LRRC20: variants seen among roughly 807,000 people sequenced by gnomAD.
The protein encoded by LRRC20 is leucine rich repeat containing 20, also known as leucine-rich repeat-containing protein 20.
In LRRC20, 11 loss-of-function variants were observed where a neutral mutation model predicts 14.4. That is an observed-to-expected ratio of 0.77 (90% CI 0.48 to 1.27). The LOEUF (loss-of-function observed/expected upper bound fraction) is 1.27. LRRC20 is among the 50% of genes most tolerant of loss of function. LRRC20 has a pLI of 0.00. For missense variants in LRRC20, 219 were observed against 251.2 expected, an observed-to-expected ratio of 0.87 and a Z score of 0.87; for synonymous variants, 121 against 107.3, an observed-to-expected ratio of 1.13 and a Z score of -0.79.
chr10:70,348,632 T>C (rs1843166288), intron 2 of LRRC20, among the ~76,000 whole-genome samples: 1 of 152,162 alleles, frequency 6.6e-6, no homozygotes, highest in Admixed American at 6.5e-5. Context: ...ACCACTCCAC[T>C]CTACTGCCCC....
chr10:70,321,814 T>C (rs1842086066), intron 4 of LRRC20, among the ~76,000 whole-genome samples: 1 of 152,222 alleles, frequency 6.6e-6, no homozygotes. Flanking sequence ...AGAGCTTCAG[T>C]TTCTACCTGT....
chr10:70,341,061 C>T (rs533409974), intron 2 of LRRC20, among the ~76,000 whole-genome samples: 2 of 152,196 alleles, frequency 1.3e-5, no homozygotes, highest in South Asian at 4.1e-4. Flanking sequence ...ATCAAAGACT[C>T]GACAGCGCAG....
rs1841103242 is a variant in LRRC20, at chr10:70,299,859, G to A, written c.*1495C>T. On this transcript the variant is annotated 3_prime_UTR_variant, in exon 5 of 5. Transcript: ENST00000446961. ...AGTCTCTTGAGATACTGAGCGCTCA[G>A]TGATGGCCCAACAATGGCCCGACCT... The A allele has an allele frequency of 6.6e-6, 1 of 152,256 alleles. No individual in the cohort carries two copies. Among genetic ancestry groups the A allele is most frequent in the Non-Finnish European group, 1.5e-5 (1 of 68,082 alleles). The allele number at this position is 152,256 out of a possible 1,614,324, so 9.4% of individuals were successfully genotyped here.
chr10:70,376,627 G>T, intron 1 of LRRC20, 31 bp from the exon 2 acceptor site: 2 of 1,215,122 alleles, frequency 1.6e-6, no homozygotes, highest in African/African-American at 1.5e-5. Context: ...TGAAGTGCCC[G>T]CCTGCCAGCC....
intron 2 of LRRC20, among the ~76,000 whole-genome samples, chr10:70,343,971 G>C (rs1472726092): frequency 1.3e-5 from 2 of 152,218 alleles, no homozygotes; most frequent in Non-Finnish European, 2.9e-5. Context: ...GACCAAAGTG[G>C]AAGGATTGCT....
chr10:70,351,650 C>T (rs1032932395), intron 2 of LRRC20, among the ~76,000 whole-genome samples: 11 of 152,124 alleles, frequency 7.2e-5, no homozygotes, highest in Admixed American at 3.9e-4. Context: ...CCAAGTTTTA[C>T]GGGAAAACTC....
Position 70,365,842 on chromosome 10 carries a change from G to A in LRRC20, c.82+10610C>T, listed in dbSNP as rs866194398. Among the ~76,000 whole-genome samples, 20 of 151,704 alleles carry A rather than the reference G, an allele frequency of 1.3e-4. No homozygotes were observed. In the Middle Eastern group the frequency reaches 0.01, roughly 79 times the overall value. The stretch of plus-strand genomic sequence containing the variant: ...TCCCAGCATTTTGGGAGGCCGAGGC[G>A]GGCGGATCACGAGGTCAGGAGATCG... On this transcript the variant is annotated intron_variant, in intron 2 of 4. Coordinates refer to ENST00000446961, the MANE Select transcript of LRRC20 (RefSeq NM_001278212.2).
At chr10:70,323,441 C>CTGAACAT (rs1214545507) in intron 4 of LRRC20, among the ~76,000 whole-genome samples, 2 of 152,126 alleles carry the variant, frequency 1.3e-5, no homozygotes, top group African/African-American at 4.8e-5. Flanking sequence ...AGAGGCTGTG[C>CTGAACAT]TGAACATGGC....
At chr10:70,357,248 T>C (rs1344746515) in intron 2 of LRRC20, among the ~76,000 whole-genome samples, 5 of 152,200 alleles carry the variant, frequency 3.3e-5, no homozygotes, top group Non-Finnish European at 7.3e-5. Context: ...GGTTTCTTTT[T>C]TGGGTGATGA....
chr10:70,336,479 A>G (rs1842729476), intron 3 of LRRC20, among the ~76,000 whole-genome samples: 1 of 152,170 alleles, frequency 6.6e-6, no homozygotes, highest in Non-Finnish European at 1.5e-5. Flanking sequence ...AATCCCTATA[A>G]CAACTGGTCC....
rs145410991 is a variant in LRRC20 at position 70,301,364 on chromosome 10, G to A, written c.545C>T (p.Pro182Leu). 9.1e-5 allele frequency: 147 copies of A among 1,612,774 alleles called. No individual in the cohort carries two copies. In the African/African-American group the frequency reaches 1.7e-3, roughly 18 times the overall value. The change falls in exon 5 of 5, where the codon CCC becomes CTC. Residue 182 changes from proline (P) to leucine (L), a missense_variant. Coordinates refer to ENST00000446961, the MANE Select transcript of LRRC20 (RefSeq NM_001278212.2). ...MLMSPEGARA[P>L]LP Reference sequence around the variant, plus strand: ...CATGAGGAGGGTGGCCTAAGGTAGGGGGGCTCTTGCGCCTTCCGGAGACAT... The same window carrying A: ...CATGAGGAGGGTGGCCTAAGGTAGGAGGGCTCTTGCGCCTTCCGGAGACAT...
intron 4 of LRRC20, among the ~76,000 whole-genome samples, chr10:70,305,400 C>T (rs1474652489): frequency 6.6e-6 from 1 of 152,148 alleles, no homozygotes; most frequent in Non-Finnish European, 1.5e-5. Flanking sequence ...ATGAGACCCC[C>T]ACCCAGATAA....
intron 2 of LRRC20, among the ~76,000 whole-genome samples, chr10:70,344,460 G>T (rs961079065): frequency 1.3e-5 from 2 of 152,112 alleles, no homozygotes; most frequent in African/African-American, 4.8e-5. Flanking sequence ...AGTTTTTAAA[G>T]ATACTATTCC....
At chr10:70,379,395 G>A (rs369358314) in intron 1 of LRRC20, among the ~76,000 whole-genome samples, 4 of 152,288 alleles carry the variant, frequency 2.6e-5, no homozygotes, top group African/African-American at 9.6e-5. Flanking sequence ...CCCAAGAGGG[G>A]AGGCAAATCA....
chr10:70,320,096 G>A (rs1056429950), intron 4 of LRRC20, among the ~76,000 whole-genome samples: 2 of 152,196 alleles, frequency 1.3e-5, no homozygotes, highest in Admixed American at 1.3e-4. Flanking sequence ...TGAGAGCACG[G>A]GCCATGCGGG....
intron 3 of LRRC20, among the ~76,000 whole-genome samples, chr10:70,337,347 T>G (rs547755146): frequency 1.1e-3 from 162 of 152,232 alleles, no homozygotes; most frequent in Non-Finnish European, 2.1e-3. Context: ...CCCAACAGGG[T>G]GCTCAGCTCC....
intron 2 of LRRC20, among the ~76,000 whole-genome samples, chr10:70,365,308 T>A (rs963541783): frequency 6.6e-6 from 1 of 152,154 alleles, no homozygotes; most frequent in Non-Finnish European, 1.5e-5. Context: ...TCCACCCACC[T>A]CGGCCTCCCA....
At chr10:70,331,072 T>A (rs1382583807) in intron 3 of LRRC20, among the ~76,000 whole-genome samples, 1 of 152,180 alleles carries the variant, frequency 6.6e-6, no homozygotes, top group East Asian at 1.9e-4. Context: ...GACTTGGGGA[T>A]CTCTCCAGTT....
intron 4 of LRRC20, among the ~76,000 whole-genome samples, chr10:70,313,115 G>A (rs901411858): frequency 6.6e-6 from 1 of 152,122 alleles, no homozygotes; most frequent in African/African-American, 2.4e-5. Flanking sequence ...ACAATTCTTT[G>A]CAAAAATGAC....
Sources: allele counts gnomAD v4.1 joint callset (sites outside exome capture counted in the v4.1 genomes callset), GRCh38; gene constraint gnomAD v4.1.1; transcripts MANE v1.5; gene names NCBI Gene and HGNC (gene_info 2026-07-23, HGNC 2026-07-21).